CDH23: variants seen among roughly 807,000 people sequenced by gnomAD.
The protein encoded by CDH23 is cadherin-23.
CDH23 carries 189 observed loss-of-function variants against 317.1 expected under a neutral mutation model. The ratio of observed to expected loss-of-function variants is 0.60; its 90% CI spans 0.53 to 0.67. The LOEUF is 0.67. CDH23 is among the 30% of genes least tolerant of loss of function. The pLI, the probability that CDH23 is intolerant of heterozygous loss-of-function variation, is 0.00. For synonymous variants in CDH23, 1,839 were observed against 1,876.8 expected, an observed-to-expected ratio of 0.98 and a Z score of 0.52; for missense variants, 4,401 against 4,592.4, an observed-to-expected ratio of 0.96 and a Z score of 1.20.
chr10:71,397,597 C>T lies in CDH23; in HGVS notation c.-6+279C>T, dbSNP rs971179440. Among the ~76,000 whole-genome samples, 1 of 152,088 alleles carries T rather than the reference C, an allele frequency of 6.6e-6. No homozygotes were observed. The highest frequency in any genetic ancestry group is 6.5e-5 in the Admixed American group (1 of 15,282). On this transcript the variant is annotated intron_variant, in intron 1 of 69. Transcript: ENST00000224721. The surrounding 1 kb of genome is among the most constrained non-coding windows in gnomAD (Gnocchi z 4.8). The stretch of plus-strand genomic sequence containing the variant: ...GGCCTTGGGAGGACAGGCATCCCAT[C>T]CCCCATCCCCGGTCCTGGGACCGCG...
At chr10:71,755,036 A>T (rs1406131884) in intron 38 of CDH23, 1 of 512,710 alleles carries the variant, frequency 2.0e-6, no homozygotes, top group South Asian at 1.5e-5. Flanking sequence ...TCCCCCAAGG[A>T]TCTCTGAGTG....
At chr10:71,510,810 G>A in intron 4 of CDH23, 144 bp from the exon 5 acceptor site, 5 of 724,874 alleles carry the variant, frequency 6.9e-6, no homozygotes, top group South Asian at 3.2e-5. Flanking sequence ...GGGCAATGCT[G>A]GTATTTTAGG....
chr10:71,420,776 T>G (rs908595527), intron 1 of CDH23, among the ~76,000 whole-genome samples: 2 of 152,138 alleles, frequency 1.3e-5, no homozygotes, highest in Admixed American at 6.5e-5. Flanking sequence ...GCTAAGCAGC[T>G]CATGCAAGCT....
intron 18 of CDH23, among the ~76,000 whole-genome samples, chr10:71,683,092 A>G (rs1189988363): frequency 6.6e-6 from 1 of 152,042 alleles, no homozygotes; most frequent in East Asian, 1.9e-4. Flanking sequence ...ACACCTTAGT[A>G]TTTTCTGTGT....
At chr10:71,665,620 G>T (rs1484061428) in intron 14 of CDH23, among the ~76,000 whole-genome samples, 1 of 152,190 alleles carries the variant, frequency 6.6e-6, no homozygotes, top group Non-Finnish European at 1.5e-5. Context: ...GCAGTGTGTG[G>T]GCGAGGTGAG....
intron 38 of CDH23, among the ~76,000 whole-genome samples, chr10:71,746,548 C>G (rs893180853): frequency 1.3e-5 from 2 of 152,200 alleles, no homozygotes; most frequent in African/African-American, 4.8e-5. Context: ...AGCTCCAGGC[C>G]ATGGGAAGAC....
intron 3 of CDH23, among the ~76,000 whole-genome samples, chr10:71,489,670 A>G (rs115435820): frequency 0.011 from 1,597 of 150,490 alleles, 22 homozygotes; most frequent in African/African-American, 0.032. Flanking sequence ...TGGTTGGTTG[A>G]GAGAGTGATT....
At chr10:71,562,401 C>A (rs1360665307) in intron 6 of CDH23, among the ~76,000 whole-genome samples, 1 of 152,244 alleles carries the variant, frequency 6.6e-6, no homozygotes, top group Non-Finnish European at 1.5e-5. Context: ...TTTACCCAGG[C>A]TCCTTGATTC....
intron 48 of CDH23, chr10:71,794,499 C>T (rs1028601750): frequency 6.6e-6 from 1 of 152,202 alleles, no homozygotes; most frequent in African/African-American, 2.4e-5. Context: ...TTATCATTTT[C>T]CCAAAAGTTC....
chr10:71,599,346 T>G (rs1044979204), intron 9 of CDH23, among the ~76,000 whole-genome samples: 1 of 152,196 alleles, frequency 6.6e-6, no homozygotes, highest in Non-Finnish European at 1.5e-5. Context: ...TGACGTTGGC[T>G]TCAAAAATGG....
Position 71,815,219 on chromosome 10 carries a change from C to A in CDH23, c.10006C>A (p.Pro3336Thr), listed in dbSNP as rs1449615366. The change falls in exon 70 of 70, where the codon CCC (proline) becomes ACC (threonine). Residue 3336 changes from proline to threonine, a missense_variant. This residue lies in a region of CDH23 where 1,144 missense variants were observed against 1,138.2 expected (regional missense o/e 1.01). Coordinates refer to ENST00000224721, the MANE Select transcript of CDH23 (RefSeq NM_022124.6). ...CCGCACAGAATCCGCCAAATCCACA[C>A]CCCTGCACAAACTTCGCGACGTGAT... The part of the protein sequence containing the change: ...NARTESAKST[P>T]LHKLRDVIME... The A allele has an allele frequency of 6.2e-7, 1 of 1,601,444 alleles. No individual in the cohort carries two copies. Among genetic ancestry groups the A allele is most frequent in the South Asian group, 1.1e-5 (1 of 90,748 alleles).
chr10:71,570,972 C>G lies in CDH23; in HGVS notation c.753+54C>G, dbSNP rs1325168270. Reference sequence around the variant, plus strand: ...AGTCCCTTCTCAGAGGGACTTCCTTCTGAGCTCCTGTTAGGGATGGGCCCT... The same window carrying G: ...AGTCCCTTCTCAGAGGGACTTCCTTGTGAGCTCCTGTTAGGGATGGGCCCT... On this transcript the variant is annotated intron_variant, in intron 8 of 69. Transcript: ENST00000224721. The G allele has an allele frequency of 4.4e-6, 7 of 1,598,258 alleles. No homozygotes were observed. The Admixed American group carries it at 1.2e-4, about 27-fold the overall frequency.
At chr10:71,813,099 C>T in intron 68 of CDH23, 145 bp from the exon 69 acceptor site, 1 of 1,103,268 alleles carries the variant, frequency 9.1e-7, no homozygotes, top group Admixed American at 2.1e-5. Flanking sequence ...AGGCTGGCCA[C>T]TGTCTCCAGG....
chr10:71,746,975 T>C (rs907259045), intron 38 of CDH23, among the ~76,000 whole-genome samples: 7 of 152,188 alleles, frequency 4.6e-5, no homozygotes, highest in Non-Finnish European at 1.0e-4. Flanking sequence ...ACTTGGACCC[T>C]GCTATTGTGA....
chr10:71,430,546 C>T (rs1447374605), intron 1 of CDH23, among the ~76,000 whole-genome samples: 2 of 152,188 alleles, frequency 1.3e-5, no homozygotes, highest in East Asian at 1.9e-4. Flanking sequence ...CAGTGGCTCA[C>T]GCCTGTAATC....
Position 71,397,488 on chromosome 10 carries a change from C to G in CDH23, c.-6+170C>G, listed in dbSNP as rs1434577292. ...CTCGCGGCATCCTTCGGTCCCAGGC[C>G]CCTGGCCCTAGCCTCGCGCCCCGCT... On this transcript the variant is annotated intron_variant, in intron 1 of 69. Coordinates refer to ENST00000224721, the MANE Select transcript of CDH23 (RefSeq NM_022124.6). This position sits in a 1 kb window ranked among gnomAD's most constrained non-coding sequence, Gnocchi z 4.8. Among the ~76,000 whole-genome samples the G allele has an allele frequency of 1.3e-5, 2 of 151,620 alleles. No individual in the cohort carries two copies. Among genetic ancestry groups the G allele is most frequent in the Non-Finnish European group, 2.9e-5 (2 of 67,832 alleles).
At chr10:71,658,329 G>A (rs111495962) in intron 14 of CDH23, among the ~76,000 whole-genome samples, 24 of 152,308 alleles carry the variant, frequency 1.6e-4, no homozygotes, top group Non-Finnish European at 3.5e-4. Flanking sequence ...GCAGGCTGTC[G>A]CCTTTCTTCC....
chr10:71,807,773 G>A lies in CDH23; in HGVS notation c.8560+6G>A. 6.3e-7 allele frequency: 1 copy of A among 1,595,144 alleles called. No homozygotes were observed. ...CAAGGCTGAGTACACTGCAGGTGCA[G>A]GGACTGGAGCCTGGGCACGAGGTGT... On this transcript the variant is annotated splice_donor_region_variant and intron_variant, in intron 59 of 69. Coordinates refer to ENST00000224721, the MANE Select transcript of CDH23 (RefSeq NM_022124.6).
chr10:71,659,381 G>C (rs1368581044), intron 14 of CDH23, among the ~76,000 whole-genome samples: 1 of 152,188 alleles, frequency 6.6e-6, no homozygotes, highest in Non-Finnish European at 1.5e-5. Flanking sequence ...TTTGTCCAGG[G>C]AACATTTGGG....
Sources: allele counts gnomAD v4.1 joint callset (sites outside exome capture counted in the v4.1 genomes callset), GRCh38; gene constraint gnomAD v4.1.1; regional missense constraint gnomAD v4.1.1; non-coding constraint Gnocchi (gnomAD v3.1); transcripts MANE v1.5; gene names NCBI Gene and HGNC (gene_info 2026-07-23, HGNC 2026-07-21).